PTPRD: variants seen among roughly 807,000 people sequenced by gnomAD.
PTPRD encodes protein tyrosine phosphatase receptor type D.
Under a neutral mutation model 214.5 loss-of-function variants are expected in PTPRD, and 34 were observed. The observed-to-expected ratio is 0.16, with a 90% CI of 0.12 to 0.21. The LOEUF (loss-of-function observed/expected upper bound fraction) is 0.21. Among genes scored for constraint, PTPRD ranks in the 10% least tolerant of loss-of-function variants. The pLI, the probability that PTPRD is intolerant of heterozygous loss-of-function variation, is 1.00. For missense variants in PTPRD, 2,545 were observed against 2,398.7 expected (o/e 1.06, Z -1.27); for synonymous variants, 1,128 against 845.7 (o/e 1.33, Z -5.79).
At position 9,752,703 on chromosome 9, in the gene PTPRD, G is replaced by A. The variant is rs117286330; in HGVS notation, c.-326+14107C>T. Among the ~76,000 whole-genome samples the A allele has an allele frequency of 4.5e-3, 688 of 152,046 alleles. 6 individuals are homozygous for A. The highest frequency in any genetic ancestry group is 0.017 in the Middle Eastern group (5 of 294). On this transcript the variant is annotated intron_variant, in intron 6 of 45. Coordinates refer to ENST00000381196, the MANE Select transcript of PTPRD (RefSeq NM_002839.4). Reference sequence around the variant, plus strand: ...TTGGGGAAGGAGATGCAGTGGGGACGGAGGGCAAGTATTTTTACACTAAAA... The same window carrying A: ...TTGGGGAAGGAGATGCAGTGGGGACAGAGGGCAAGTATTTTTACACTAAAA...
chr9:8,616,797 T>C (rs1010911853), intron 14 of PTPRD, among the ~76,000 whole-genome samples: 1 of 152,138 alleles, frequency 6.6e-6, no homozygotes, highest in African/African-American at 2.4e-5. Flanking sequence ...CTTAGATGTT[T>C]TGGATGTGAT....
intron 2 of PTPRD, among the ~76,000 whole-genome samples, chr9:10,479,816 A>C (rs2784623): frequency 6.6e-6 from 1 of 151,810 alleles, no homozygotes; most frequent in African/African-American, 2.4e-5. Flanking sequence ...GTGAGATCCC[A>C]TCTTAGAAAA....
chr9:9,743,687 C>T (rs996018070), intron 6 of PTPRD, among the ~76,000 whole-genome samples: 1 of 150,354 alleles, frequency 6.7e-6, no homozygotes, highest in African/African-American at 2.4e-5. Flanking sequence ...CCTTTGGCAC[C>T]CCATAGTCCA....
At chr9:8,933,113 T>C (rs1266790426) in intron 11 of PTPRD, among the ~76,000 whole-genome samples, 2 of 151,964 alleles carry the variant, frequency 1.3e-5, no homozygotes, top group East Asian at 3.9e-4. Context: ...TCCCCTTAGC[T>C]AGGGGAGGGA....
intron 2 of PTPRD, among the ~76,000 whole-genome samples, chr9:10,569,798 C>T (rs941950962): frequency 2.6e-5 from 4 of 151,776 alleles, no homozygotes; most frequent in Non-Finnish European, 5.9e-5. Flanking sequence ...TGCTTTACCT[C>T]GAGTAAATTA....
intron 8 of PTPRD, among the ~76,000 whole-genome samples, chr9:9,516,537 TTTTA>T (rs947051183): frequency 3.3e-5 from 5 of 150,558 alleles, no homozygotes; most frequent in Admixed American, 6.6e-5. Flanking sequence ...TTTTATTTTA[TTTTA>T]TTTATTTATT....
At chr9:9,561,447 A>C (rs1032411973) in intron 8 of PTPRD, among the ~76,000 whole-genome samples, 2 of 152,248 alleles carry the variant, frequency 1.3e-5, no homozygotes, top group Non-Finnish European at 2.9e-5. Flanking sequence ...GAATAAATCC[A>C]TTCAAATATT....
intron 35 of PTPRD, among the ~76,000 whole-genome samples, chr9:8,433,912 C>T (rs2095223003): frequency 6.6e-6 from 1 of 152,180 alleles, no homozygotes; most frequent in African/African-American, 2.4e-5. Context: ...CTCTCACTGA[C>T]ACCCAGAGCA....
intron 5 of PTPRD, among the ~76,000 whole-genome samples, chr9:9,841,380 G>C: frequency 6.6e-6 from 1 of 151,800 alleles, no homozygotes; most frequent in East Asian, 1.9e-4. Context: ...TTTTTTCTAA[G>C]TCTTCTGTTC....
intron 5 of PTPRD, among the ~76,000 whole-genome samples, chr9:9,840,936 A>C (rs1023540725): frequency 7.2e-5 from 11 of 152,038 alleles, no homozygotes; most frequent in African/African-American, 2.7e-4. Flanking sequence ...ACTGTTCTTA[A>C]ATAGAGATGG....
At chr9:8,438,855 G>C (rs2132676334) in intron 34 of PTPRD, 1 of 152,224 alleles carries the variant, frequency 6.6e-6, no homozygotes, top group Non-Finnish European at 1.5e-5. Context: ...GACGGGAAAA[G>C]TATTAGTATA....
intron 10 of PTPRD, among the ~76,000 whole-genome samples, chr9:9,077,724 G>A (rs1569531270): frequency 6.6e-6 from 1 of 151,890 alleles, no homozygotes; most frequent in Non-Finnish European, 1.5e-5. Context: ...CACATATGAT[G>A]GTCCACAGTT....
chr9:10,308,983 A>G (rs546743516), intron 3 of PTPRD, among the ~76,000 whole-genome samples: 3 of 152,220 alleles, frequency 2.0e-5, no homozygotes, highest in Admixed American at 1.3e-4. Flanking sequence ...AAATCCTAAA[A>G]GTGGAATTGT....
chr9:8,892,889 A>C (rs1250180935), intron 11 of PTPRD, among the ~76,000 whole-genome samples: 1 of 152,036 alleles, frequency 6.6e-6, no homozygotes, highest in Non-Finnish European at 1.5e-5. Context: ...GAAGTGTGAG[A>C]GTATAGGCAT....
At chr9:8,586,904 T>C (rs977276318) in intron 14 of PTPRD, among the ~76,000 whole-genome samples, 7 of 152,184 alleles carry the variant, frequency 4.6e-5, no homozygotes, top group Admixed American at 3.3e-4. Flanking sequence ...TCCCAGCACT[T>C]TGGGAGACTG....
At chr9:9,692,241 T>C (rs905380720) in intron 7 of PTPRD, among the ~76,000 whole-genome samples, 9 of 151,388 alleles carry the variant, frequency 5.9e-5, no homozygotes, top group African/African-American at 2.2e-4. Context: ...ATTCTTGTAG[T>C]AGTATCATAG....
At chr9:8,783,963 AAT>A (rs904554491) in intron 11 of PTPRD, among the ~76,000 whole-genome samples, 17 of 152,194 alleles carry the variant, frequency 1.1e-4, no homozygotes, top group African/African-American at 4.1e-4. Flanking sequence ...CTGCTTTGGT[AAT>A]TCACGAAAGG....
intron 7 of PTPRD, among the ~76,000 whole-genome samples, chr9:9,726,815 G>A: frequency 6.6e-6 from 1 of 152,094 alleles, no homozygotes. Flanking sequence ...TACAAATAAG[G>A]GAGGAGAATG....
At chr9:8,895,265 A>C (rs2098599381) in intron 11 of PTPRD, among the ~76,000 whole-genome samples, 1 of 152,148 alleles carries the variant, frequency 6.6e-6, no homozygotes. Flanking sequence ...ATTTTATAAG[A>C]TACACCAGGA....
Sources: gnomAD v4.1 joint callset for allele counts (sites outside exome capture counted in the v4.1 genomes callset) on GRCh38, gnomAD v4.1.1 for gene constraint, MANE v1.5 for transcripts, NCBI Gene and HGNC (gene_info 2026-07-23, HGNC 2026-07-21) for gene names.